THSD7B: variants seen among roughly 807,000 people sequenced by gnomAD.
THSD7B encodes the protein thrombospondin type 1 domain containing 7B.
THSD7B carries 138 observed loss-of-function variants against 213.6 expected under a neutral mutation model. That is an observed-to-expected ratio of 0.65 (90% CI 0.56 to 0.74). The LOEUF is 0.74. THSD7B is among the 30% of genes least tolerant of loss of function. The pLI is 0.00. For missense variants in THSD7B, 1,931 were observed against 1,991.5 expected (o/e 0.97, Z 0.58); for synonymous variants, 742 against 687.0 (o/e 1.08, Z -1.25).
intron 12 of THSD7B, among the ~76,000 whole-genome samples, chr2:137,356,088 G>C (rs145514860): frequency 6.6e-6 from 1 of 152,106 alleles, no homozygotes; most frequent in African/African-American, 2.4e-5. Context: ...TCATTCACTG[G>C]CATCAACTAT....
At chr2:137,207,041 TGTTGATGTTAGGAA>T (rs1681001455) in intron 7 of THSD7B, among the ~76,000 whole-genome samples, 2 of 151,962 alleles carry the variant, frequency 1.3e-5, no homozygotes, top group East Asian at 3.9e-4. Flanking sequence ...GGAGAGAGGA[TGTTGATGTTAGGAA>T]GAAAAGACAT....
chr2:137,275,399 T>C (rs1682846690), intron 11 of THSD7B, among the ~76,000 whole-genome samples: 1 of 152,006 alleles, frequency 6.6e-6, no homozygotes, highest in South Asian at 2.1e-4. Context: ...AGTGTGAAGG[T>C]CTGTACCTCA....
intron 2 of THSD7B, among the ~76,000 whole-genome samples, chr2:137,004,704 G>A (rs1177129119): frequency 2.0e-5 from 3 of 152,116 alleles, no homozygotes; most frequent in Non-Finnish European, 4.4e-5. Context: ...AAAATAATCA[G>A]ATAGCTATTG....
chr2:137,564,536 G>C (rs980076564), intron 16 of THSD7B, among the ~76,000 whole-genome samples: 2 of 152,058 alleles, frequency 1.3e-5, no homozygotes, highest in African/African-American at 4.8e-5. Context: ...TAAAATTTCT[G>C]TCTCCTGTGT....
At chr2:137,101,349 A>G (rs1031320500) in intron 4 of THSD7B, among the ~76,000 whole-genome samples, 4 of 152,066 alleles carry the variant, frequency 2.6e-5, no homozygotes, top group African/African-American at 9.7e-5. Flanking sequence ...CCTTCCATTG[A>G]TTTTCTATCA....
At chr2:136,939,121 C>G (rs1019963295) in intron 2 of THSD7B, among the ~76,000 whole-genome samples, 1 of 151,830 alleles carries the variant, frequency 6.6e-6, no homozygotes, top group East Asian at 1.9e-4. Context: ...TTAATAAGAA[C>G]GACTTTTCCA....
At chr2:137,231,971 T>C (rs1681648519) in intron 8 of THSD7B, among the ~76,000 whole-genome samples, 1 of 152,204 alleles carries the variant, frequency 6.6e-6, no homozygotes, top group Admixed American at 6.5e-5. Context: ...TTTCTGTTCT[T>C]TGATCCTGCG....
chr2:137,259,004 A>G (rs1477974075), intron 10 of THSD7B, among the ~76,000 whole-genome samples: 1 of 152,148 alleles, frequency 6.6e-6, no homozygotes, highest in Non-Finnish European at 1.5e-5. Context: ...GTCCCTGCAA[A>G]GGACATTATC....
chr2:137,290,136 G>T (rs55687146), intron 12 of THSD7B, among the ~76,000 whole-genome samples: 9,458 of 145,030 alleles, frequency 0.065, 473 homozygotes, highest in Non-Finnish European at 0.1. Flanking sequence ...TTTTTAGATG[G>T]AGTCTCACTC....
At chr2:136,828,680 A>G (rs1682700271) in intron 1 of THSD7B, among the ~76,000 whole-genome samples, 1 of 152,224 alleles carries the variant, frequency 6.6e-6, no homozygotes, top group South Asian at 2.1e-4. Context: ...TGCTAAGCAC[A>G]TAATTGCCAC....
chr2:137,029,080 T>TC (rs1353560279), intron 2 of THSD7B, among the ~76,000 whole-genome samples: 2 of 146,522 alleles, frequency 1.4e-5, no homozygotes, highest in Non-Finnish European at 3.0e-5. Context: ...TTTGTAAGCT[T>TC]TTTTTTTTTT....
chr2:137,351,705 G>A (rs1685017833), intron 12 of THSD7B, among the ~76,000 whole-genome samples: 1 of 151,872 alleles, frequency 6.6e-6, no homozygotes, highest in Admixed American at 6.6e-5. Context: ...AGAGGTAGAG[G>A]GAAAGCTTAG....
At chr2:136,917,330 T>C (rs1684365720) in intron 2 of THSD7B, among the ~76,000 whole-genome samples, 2 of 152,210 alleles carry the variant, frequency 1.3e-5, no homozygotes, top group Admixed American at 1.3e-4. Context: ...GTAGATATAT[T>C]ATTTAGCTTA....
chr2:137,306,194 T>C (rs1027621809), intron 12 of THSD7B, among the ~76,000 whole-genome samples: 1 of 152,102 alleles, frequency 6.6e-6, no homozygotes, highest in Non-Finnish European at 1.5e-5. Context: ...GCATAATACA[T>C]TGTGCTGTGA....
chr2:137,515,022 AGAAAGCGCTGAAATTTTG>A (rs1007009611), intron 15 of THSD7B, among the ~76,000 whole-genome samples: 1 of 152,178 alleles, frequency 6.6e-6, no homozygotes, highest in African/African-American at 2.4e-5. Context: ...TCTCCTGTAG[AGAAAGCGCTGAAATTTTG>A]GAACACCAGA....
chr2:136,847,971 C>T (rs1163891740), intron 1 of THSD7B, among the ~76,000 whole-genome samples: 8 of 152,134 alleles, frequency 5.3e-5, no homozygotes, highest in Admixed American at 4.6e-4. Context: ...GTTCCCCTCA[C>T]ACCATACTGG....
chr2:137,274,676 CAAG>C (rs988293877), intron 11 of THSD7B, among the ~76,000 whole-genome samples: 2 of 151,978 alleles, frequency 1.3e-5, no homozygotes, highest in African/African-American at 4.8e-5. Flanking sequence ...TCATTTTGGT[CAAG>C]AAGGTCTGTA....
chr2:137,028,517 A>G (rs775953449), intron 2 of THSD7B, among the ~76,000 whole-genome samples: 2 of 152,230 alleles, frequency 1.3e-5, no homozygotes, highest in African/African-American at 2.4e-5. Context: ...GAAATGAGAA[A>G]ACATCTAAAC....
chr2:137,103,955 C>T (rs1688198248), intron 4 of THSD7B, among the ~76,000 whole-genome samples: 1 of 152,206 alleles, frequency 6.6e-6, no homozygotes, highest in African/African-American at 2.4e-5. Flanking sequence ...TAACACTCCA[C>T]TGTCAATATT....
Sources: gnomAD v4.1 joint callset for allele counts (sites outside exome capture counted in the v4.1 genomes callset) on GRCh38, gnomAD v4.1.1 for gene constraint, MANE v1.5 for transcripts, NCBI Gene and HGNC (gene_info 2026-07-23, HGNC 2026-07-21) for gene names.